Variants in KANSL1L observed in about 807,000 individuals in gnomAD.
The protein encoded by KANSL1L is KAT8 regulatory NSL complex subunit 1-like protein.
A neutral mutation model predicts 108.6 loss-of-function variants in KANSL1L; 25 were observed. That is an observed-to-expected ratio of 0.23 (90% CI 0.17 to 0.32). The LOEUF is 0.32. KANSL1L is among the 10% of genes least tolerant of loss of function. KANSL1L has a pLI of 1.00. For synonymous variants in KANSL1L, 405 were observed against 395.1 expected (o/e 1.03, Z -0.30); for missense variants, 1,137 against 1,125.7 (o/e 1.01, Z -0.14).
chr2:210,051,006 G>C (rs928497569), intron 6 of KANSL1L, among the ~76,000 whole-genome samples: 4 of 152,154 alleles, frequency 2.6e-5, no homozygotes, highest in Non-Finnish European at 5.9e-5. Context: ...TTACAAGAAT[G>C]AGCCACCATA....
chr2:210,044,357 A>G lies in KANSL1L; in HGVS notation c.1756-253T>C, dbSNP rs967275077. 6.6e-6 allele frequency among the ~76,000 whole-genome samples: 1 copy of G among 152,026 alleles called. No individual in the cohort carries two copies. Among genetic ancestry groups the G allele is most frequent in the Non-Finnish European group, 1.5e-5 (1 of 68,018 alleles). On this transcript the variant is annotated intron_variant, in intron 6 of 14. Coordinates refer to ENST00000281772, the MANE Select transcript of KANSL1L (RefSeq NM_152519.4). The surrounding 1 kb of genome is among the most constrained non-coding windows in gnomAD (Gnocchi z 4.2). ...ATAAACTTTCTTTTTCTAATAATAT[A>G]TAGCTTCTTCTAGTCTTTGATTATC... is the stretch of plus-strand genomic sequence containing the variant.
chr2:210,029,696 T>C (rs2093988499), intron 10 of KANSL1L, 107 bp downstream of exon 10: 2 of 509,592 alleles, frequency 3.9e-6, no homozygotes, highest in South Asian at 3.7e-5. Context: ...TGTCTGTTAA[T>C]ATGTGCTAGT....
chr2:210,159,609 T>A (rs2095350930), intron 1 of KANSL1L, among the ~76,000 whole-genome samples: 1 of 152,212 alleles, frequency 6.6e-6, no homozygotes, highest in Non-Finnish European at 1.5e-5. Flanking sequence ...ATCATGATAT[T>A]TAAAGGCATT....
At chr2:210,099,524 T>C (rs1024831351) in intron 4 of KANSL1L, among the ~76,000 whole-genome samples, 4 of 152,214 alleles carry the variant, frequency 2.6e-5, no homozygotes, top group African/African-American at 9.6e-5. Flanking sequence ...TTTTAAAAAT[T>C]ATTACTCAGT....
intron 5 of KANSL1L, among the ~76,000 whole-genome samples, chr2:210,094,199 A>G (rs2094716544): frequency 6.6e-6 from 1 of 152,192 alleles, no homozygotes; most frequent in Non-Finnish European, 1.5e-5. Flanking sequence ...AAAATAGTTA[A>G]AATGGTAAAT....
At chr2:210,047,702 G>A (rs771957147) in intron 6 of KANSL1L, among the ~76,000 whole-genome samples, 1 of 152,034 alleles carries the variant, frequency 6.6e-6, no homozygotes, top group South Asian at 2.1e-4. Context: ...TGTCTCTATT[G>A]TCTGTTTTTC....
chr2:210,114,671 T>G (rs1408795324), intron 3 of KANSL1L, among the ~76,000 whole-genome samples: 1 of 152,110 alleles, frequency 6.6e-6, no homozygotes, highest in Non-Finnish European at 1.5e-5. Context: ...TGTGGTAACT[T>G]TGGTTTGCAG....
At chr2:210,097,368 G>C (rs1265240708) in intron 5 of KANSL1L, 1 of 782,382 alleles carries the variant, frequency 1.3e-6, no homozygotes, top group Non-Finnish European at 1.5e-6. Flanking sequence ...ATTACACTTA[G>C]TTCTCTATGG....
At chr2:210,054,651 T>G (rs1227913484) in intron 6 of KANSL1L, among the ~76,000 whole-genome samples, 1 of 152,032 alleles carries the variant, frequency 6.6e-6, no homozygotes, top group Non-Finnish European at 1.5e-5. Context: ...TACTCAGTGA[T>G]GAAGACTAAA....
intron 5 of KANSL1L, among the ~76,000 whole-genome samples, chr2:210,078,181 GA>G (rs1218318447): frequency 6.6e-6 from 1 of 152,080 alleles, no homozygotes; most frequent in Non-Finnish European, 1.5e-5. Context: ...TCTAAACATA[GA>G]AAAAGTAATG....
chr2:210,126,244 A>G (rs2095064521), intron 3 of KANSL1L, among the ~76,000 whole-genome samples: 1 of 152,224 alleles, frequency 6.6e-6, no homozygotes, highest in South Asian at 2.1e-4. Context: ...ACTTCAGAAT[A>G]TAATAGATAG....
intron 1 of KANSL1L, among the ~76,000 whole-genome samples, chr2:210,164,855 GT>G (rs546289634): frequency 4.6e-4 from 62 of 135,046 alleles, no homozygotes; most frequent in East Asian, 1.1e-3. Flanking sequence ...TATTTTTTCT[GT>G]TTTTTTTTTT....
intron 3 of KANSL1L, among the ~76,000 whole-genome samples, chr2:210,127,001 C>T (rs891216951): frequency 2.0e-5 from 3 of 151,530 alleles, no homozygotes; most frequent in African/African-American, 7.3e-5. Context: ...CAAGACCAGC[C>T]TGGTCTTGAA....
rs2094537191 is a variant in KANSL1L at position 210,075,692 on chromosome 2, T to G, written c.1615A>C (p.Lys539Gln). ...SSWLLNQKHS[K>Q]KKRKDRTRLK... ...CTTGTCCTGTCTTTTCTCTTTTTCT[T>G]ACTGTGCTTCTGGTTAAGTAACCAG... Residue 539 changes from lysine to glutamine, a missense_variant, in exon 6 of 15, where the codon AAG (lysine) becomes CAG (glutamine). Lys to Gln is a moderately conservative substitution (Grantham distance 53). Around this residue, in one of 3 missense-constraint regions of KANSL1L, gnomAD observed 575 missense variants for 567.1 expected, o/e 1.01. Coordinates refer to ENST00000281772, the MANE Select transcript of KANSL1L (RefSeq NM_152519.4). 1.2e-6 allele frequency: 2 copies of G among 1,613,902 alleles called. No individual in the cohort carries two copies. Among genetic ancestry groups the G allele is most frequent in the Non-Finnish European group, 1.7e-6 (2 of 1,179,926 alleles).
intron 1 of KANSL1L, among the ~76,000 whole-genome samples, chr2:210,165,937 A>G (rs1052891789): frequency 4.6e-5 from 7 of 152,204 alleles, no homozygotes; most frequent in African/African-American, 1.7e-4. Context: ...ATGTATAGTT[A>G]TAACTGTTCT....
At position 210,025,182 on chromosome 2, in the gene KANSL1L, CT is replaced by C; in HGVS notation, c.2485del (p.Arg829GlyfsTer40). The C allele has an allele frequency of 6.2e-7, 1 of 1,610,928 alleles. No homozygotes were observed. Among genetic ancestry groups the C allele is most frequent in the Non-Finnish European group, 8.5e-7 (1 of 1,177,130 alleles). On this transcript the variant is annotated frameshift_variant, in exon 13 of 15. Transcript: ENST00000281772. LOFTEE classifies it high-confidence loss of function. ...CTCTCTCTCTTCATATTTTTTGTGC[CT>C]TAGGGAGAAGACTTCATCAGAAAGA... is the stretch of plus-strand genomic sequence containing the variant. ...EDLSDEVFSL[R>X]HKKYEEREQA...
intron 1 of KANSL1L, among the ~76,000 whole-genome samples, chr2:210,169,263 G>A (rs1241347217): frequency 6.6e-6 from 1 of 152,106 alleles, no homozygotes; most frequent in Non-Finnish European, 1.5e-5. Context: ...TGTCTGTAGT[G>A]AAATATACAC....
chr2:210,051,072 T>C (rs1269648466), intron 6 of KANSL1L, among the ~76,000 whole-genome samples: 1 of 152,134 alleles, frequency 6.6e-6, no homozygotes, highest in Non-Finnish European at 1.5e-5. Context: ...GAACATTCCA[T>C]GGCAGGAGGA....
Position 210,154,548 on chromosome 2 carries a change from C to T in KANSL1L, c.35G>A (p.Gly12Asp). Residue 12 changes from glycine (G) to aspartate (D), a missense_variant, in exon 2 of 15, where the codon GGT becomes GAT. This residue lies in a region of KANSL1L where 556 missense variants were observed against 537.7 expected (regional missense o/e 1.03). Coordinates refer to ENST00000281772, the MANE Select transcript of KANSL1L (RefSeq NM_152519.4). ...TPALREATAKGISFSSLPSTM... is the reference protein window; with the variant it reads ...TPALREATAKDISFSSLPSTM... ...ACTTGGCAAAGATGAAAAGCTGATA[C>T]CCTTTGCTGTTGCCTCCCTCAGAGC... 1 of 1,552,750 alleles carries T rather than the reference C, an allele frequency of 6.4e-7. No homozygotes were observed. The highest frequency in any genetic ancestry group is 8.7e-7 in the Non-Finnish European group (1 of 1,149,412).
Sources: allele counts gnomAD v4.1 joint callset (sites outside exome capture counted in the v4.1 genomes callset), GRCh38; gene constraint gnomAD v4.1.1; regional missense constraint gnomAD v4.1.1; non-coding constraint Gnocchi (gnomAD v3.1); transcripts MANE v1.5; gene names NCBI Gene and HGNC (gene_info 2026-07-23, HGNC 2026-07-21).